Variants in L1TD1 observed in about 807,000 individuals in gnomAD.
L1TD1 encodes the protein LINE-1 type transposase domain-containing protein 1.
L1TD1 carries 26 observed loss-of-function variants against 25.7 expected under a neutral mutation model. The ratio of observed to expected loss-of-function variants is 1.01; its 90% CI spans 0.74 to 1.40. L1TD1 has a LOEUF of 1.40. Ranked by LOEUF, L1TD1 falls within the 40% of genes most tolerant of loss-of-function variation. L1TD1 has a pLI of 0.00. For missense variants in L1TD1, 1,130 were observed against 975.0 expected, an observed-to-expected ratio of 1.16 and a Z score of -2.12; for synonymous variants, 421 against 335.6, an observed-to-expected ratio of 1.25 and a Z score of -2.78.
intron 3 of L1TD1, 27 bp from the exon 4 acceptor site, chr1:62,209,754 CTT>C (rs143484043): frequency 7.1e-7 from 1 of 1,412,858 alleles, no homozygotes; most frequent in Non-Finnish European, 9.5e-7. Flanking sequence ...ACAAATAACT[CTT>C]TTTTTTCTTC....
rs1421031051 is a variant in L1TD1, at chr1:62,207,110, C to A, written c.482C>A (p.Pro161His). The A allele has an allele frequency of 3.7e-6, 6 of 1,604,260 alleles. No individual in the cohort carries two copies. In the East Asian group the frequency reaches 1.3e-4, roughly 36 times the overall value. Residue 161 changes from proline (P) to histidine (H), a missense_variant, in exon 3 of 4, where the codon CCC (proline) becomes CAC (histidine). Coordinates refer to ENST00000498273, the MANE Select transcript of L1TD1 (RefSeq NM_019079.5). ...AATAGTAATGATGGTAAGAAATTAC[C>A]CCAGGGTGAATCACGAAGTTACGAA... The part of the protein sequence containing the change: ...EYNSNDGKKL[P>H]QGESRSYEVM...
intron 2 of L1TD1, among the ~76,000 whole-genome samples, chr1:62,204,863 C>A (rs1490727700): frequency 6.6e-6 from 1 of 152,090 alleles, no homozygotes; most frequent in Non-Finnish European, 1.5e-5. Flanking sequence ...CATCCTCTGC[C>A]TCCCTCAGGC....
chr1:62,200,963 C>G (rs965550128), intron 2 of L1TD1, among the ~76,000 whole-genome samples: 3 of 151,516 alleles, frequency 2.0e-5, no homozygotes, highest in African/African-American at 7.3e-5. Context: ...GAGTCTTGCT[C>G]GCTCTGTTGC....
chr1:62,208,544 A>G (rs1348802275), intron 3 of L1TD1: 1 of 148,914 alleles, frequency 6.7e-6, no homozygotes, highest in Non-Finnish European at 1.5e-5. Context: ...CAGTGGCTCA[A>G]TCTGGGCTCA....
At chr1:62,206,346 T>C (rs1479453539) in intron 2 of L1TD1, among the ~76,000 whole-genome samples, 173 bp from the exon 3 acceptor site, 33 of 144,290 alleles carry the variant, frequency 2.3e-4, no homozygotes, top group Non-Finnish European at 4.6e-4. Flanking sequence ...ATTTTCATGA[T>C]AATTTATAAA....
At chr1:62,203,453 A>T (rs1351164130) in intron 2 of L1TD1, among the ~76,000 whole-genome samples, 1 of 151,524 alleles carries the variant, frequency 6.6e-6, no homozygotes, top group East Asian at 1.9e-4. Flanking sequence ...ACAGGGTCTC[A>T]CTCTGTCGCC....
At position 62,206,786 on chromosome 1, in the gene L1TD1, A is replaced by G. The variant is rs376485489; in HGVS notation, c.158A>G (p.Asn53Ser). 5.7e-6 allele frequency: 9 copies of G among 1,572,396 alleles called. No homozygotes were observed. Among genetic ancestry groups the G allele is most frequent in the Admixed American group, 3.8e-5 (2 of 52,674 alleles). Reference sequence around the variant, plus strand: ...TGCAAGGACGTATCAGCAATTATGAATAAGTTTAAGGTCTTAATGGAAATT... The same window carrying G: ...TGCAAGGACGTATCAGCAATTATGAGTAAGTTTAAGGTCTTAATGGAAATT... The part of the protein sequence containing the change: ...LKCKDVSAIM[N>S]KFKVLMEIQD... The change falls in exon 3 of 4, where the codon AAT becomes AGT. Residue 53 changes from asparagine to serine, a missense_variant. Coordinates refer to ENST00000498273, the MANE Select transcript of L1TD1 (RefSeq NM_019079.5).
In L1TD1 at chr1:62,211,577, G is replaced by C; in HGVS notation, c.*205G>C. ...AAATAGGCTGGTCTCAATGTAGTGA[G>C]TTATTTCAGTTGATCACAGTCAGTT... On this transcript the variant is annotated 3_prime_UTR_variant, in exon 4 of 4. Coordinates refer to ENST00000498273, the MANE Select transcript of L1TD1 (RefSeq NM_019079.5). 1 of 707,566 alleles carries C rather than the reference G, an allele frequency of 1.4e-6. No individual in the cohort carries two copies. The allele number at this position is 707,566 out of a possible 1,614,324, so 43.8% of individuals were successfully genotyped here.
Position 62,211,379 on chromosome 1 carries a change from A to AGG in L1TD1, c.*9_*10dup, listed in dbSNP as rs1570933675. 6.4e-7 allele frequency: 1 copy of AGG among 1,563,420 alleles called. No individual in the cohort carries two copies. The highest frequency in any genetic ancestry group is 2.2e-5 in the East Asian group (1 of 44,486). ...GGGGAATAATATACCTTAGCACGCC[A>AGG]GGGTGACTACAAACAATATGCTTTC... On this transcript the variant is annotated 3_prime_UTR_variant, in exon 4 of 4. Transcript: ENST00000498273.
rs1297718922 is a variant in L1TD1, at chr1:62,210,023, G to A, written c.1249G>A (p.Glu417Lys). The A allele has an allele frequency of 1.2e-6, 2 of 1,611,520 alleles. No individual in the cohort carries two copies. Among genetic ancestry groups the A allele is most frequent in the Admixed American group, 1.7e-5 (1 of 59,886 alleles). The stretch of plus-strand genomic sequence containing the variant: ...AGAGCCCTCAGGGCTGGAGGAGGAA[G>A]AAGAAGAAGAGGCTTCAGGGTTGGA... Reference protein sequence around the residue: ...EEEPSGLEEEEEEEASGLEED... With the variant: ...EEEPSGLEEEKEEEASGLEED... Residue 417 changes from glutamate to lysine, a missense_variant, in exon 4 of 4, where the codon GAA becomes AAA. Coordinates refer to ENST00000498273, the MANE Select transcript of L1TD1 (RefSeq NM_019079.5).
rs1670767058 is a variant in L1TD1 at position 62,207,222 on chromosome 1, G to C, written c.594G>C (p.Glu198Asp). Reference protein sequence around the residue: ...RNVHLEFTERESRKDGEDEFV... With the variant: ...RNVHLEFTERDSRKDGEDEFV... ...TCCATTTAGAATTTACAGAAAGAGA[G>C]AGTAGGAAGGATGGAGAGGATGAAT... is the stretch of plus-strand genomic sequence containing the variant. Residue 198 changes from glutamate to aspartate, a missense_variant, in exon 3 of 4, where the codon GAG (glutamate) becomes GAC (aspartate). Transcript: ENST00000498273. The C allele has an allele frequency of 6.4e-7, 1 of 1,551,692 alleles. No individual in the cohort carries two copies. The highest frequency in any genetic ancestry group is 1.4e-5 in the African/African-American group (1 of 73,156).
At position 62,210,857 on chromosome 1, in the gene L1TD1, G is replaced by A. The variant is rs1670853876; in HGVS notation, c.2083G>A (p.Glu695Lys). The change falls in exon 4 of 4, where the codon GAG becomes AAG. Residue 695 changes from glutamate (E) to lysine (K), a missense_variant. Glu to Lys is a moderately conservative substitution (Grantham distance 56, BLOSUM62 1). Coordinates refer to ENST00000498273, the MANE Select transcript of L1TD1 (RefSeq NM_019079.5). Reference sequence around the variant, plus strand: ...TAAAGAAAGGCAAAGAGATATAGAGGAGAGATCTAGAAGTTGCAACATTCG... The same window carrying A: ...TAAAGAAAGGCAAAGAGATATAGAGAAGAGATCTAGAAGTTGCAACATTCG... ...ISKERQRDIE[E>K]RSRSCNIRLI... The A allele has an allele frequency of 6.4e-7, 1 of 1,551,130 alleles. No homozygotes were observed. Among genetic ancestry groups the A allele is most frequent in the Non-Finnish European group, 8.7e-7 (1 of 1,146,896 alleles).
rs1334232379 is a variant in L1TD1 at position 62,206,609 on chromosome 1, G to T, written c.-20G>T. The T allele has an allele frequency of 6.8e-7, 1 of 1,460,594 alleles. No individual in the cohort carries two copies. The highest frequency in any genetic ancestry group is 9.0e-7 in the Non-Finnish European group (1 of 1,105,240). 90.5% of individuals were successfully genotyped at this position (1,460,594 alleles called of 1,614,324 possible). On this transcript the variant is annotated 5_prime_UTR_variant, in exon 3 of 4. Coordinates refer to ENST00000498273, the MANE Select transcript of L1TD1 (RefSeq NM_019079.5). ...CTGTAGGAATTAAAAACAGAATCCA[G>T]TCTTGACAACATATCCACAATGTCT...
At chr1:62,205,428 TATATATATA>T (rs1557443569) in intron 2 of L1TD1, among the ~76,000 whole-genome samples, 2 of 71,052 alleles carry the variant, frequency 2.8e-5, no homozygotes, top group African/African-American at 5.1e-5. Context: ...TATATATATA[TATATATATA>T]TATATATTTT....
Position 62,209,813 on chromosome 1 carries a change from G to T in L1TD1, c.1039G>T (p.Ala347Ser), listed in dbSNP as rs1670821666. ...AACCCTAATAGACTCAAAGCATAGAGCTGGAGAAATAACCAGTGATGGCTT... is the reference window on the plus strand; with the variant it reads ...AACCCTAATAGACTCAAAGCATAGATCTGGAGAAATAACCAGTGATGGCTT... ...DKTLIDSKHR[A>S]GEITSDGLSF... is the part of the protein sequence containing the mutation. Residue 347 changes from alanine (A) to serine (S), a missense_variant, in exon 4 of 4, where the codon GCT becomes TCT. Ala to Ser is a moderately conservative substitution (Grantham distance 99). Coordinates refer to ENST00000498273, the MANE Select transcript of L1TD1 (RefSeq NM_019079.5). 1 of 1,608,572 alleles carries T rather than the reference G, an allele frequency of 6.2e-7. No individual in the cohort carries two copies. The highest frequency in any genetic ancestry group is 1.3e-5 in the African/African-American group (1 of 74,598).
chr1:62,195,536 C>G (rs12131839), intron 1 of L1TD1, among the ~76,000 whole-genome samples: 28,159 of 150,430 alleles, frequency 0.19, 3,207 homozygotes, highest in Admixed American at 0.26. Context: ...GGCGGATCAC[C>G]TGAGGTCGGA....
rs10528649 is a variant in L1TD1 at position 62,197,397 on chromosome 1, T to TTATATATATATATATATA, written c.-111+888_-111+905dup. On this transcript the variant is annotated intron_variant, in intron 2 of 3. Transcript: ENST00000498273. The stretch of plus-strand genomic sequence containing the variant: ...GAGACGCCCTCTCAAAAAAAATAAA[T>TTATATATATATATATATA]TATATATATATATATATATATATAT... Among the ~76,000 whole-genome samples the TTATATATATATATATATA allele has an allele frequency of 2.7e-3, 220 of 80,536 alleles. 3 individuals are homozygous for TTATATATATATATATATA. Among genetic ancestry groups the TTATATATATATATATATA allele is most frequent in the Non-Finnish European group, 3.2e-3 (121 of 38,020 alleles). The allele number at this position is 80,536 out of a possible 152,430, so 52.8% of individuals were successfully genotyped here.
intron 2 of L1TD1, among the ~76,000 whole-genome samples, chr1:62,197,004 T>A (rs1670555827): frequency 6.6e-6 from 1 of 152,108 alleles, no homozygotes; most frequent in Admixed American, 6.6e-5. Context: ...CTGGTGCTAT[T>A]AGCAGAACCC....
chr1:62,196,776 A>G (rs934495089), intron 2 of L1TD1, among the ~76,000 whole-genome samples: 2 of 152,022 alleles, frequency 1.3e-5, no homozygotes, highest in African/African-American at 4.8e-5. Flanking sequence ...TATTTTTAGT[A>G]GAGACGGGGT....
Sources: gnomAD v4.1 joint callset for allele counts (sites outside exome capture counted in the v4.1 genomes callset) on GRCh38, gnomAD v4.1.1 for gene constraint, MANE v1.5 for transcripts, NCBI Gene and HGNC (gene_info 2026-07-23, HGNC 2026-07-21) for gene names.